EXOC2: variants seen among roughly 807,000 people sequenced by gnomAD.
EXOC2 encodes the protein exocyst complex component 2, also known as SEC5-like 1.
Under a neutral mutation model 131.8 loss-of-function variants are expected in EXOC2, and 70 were observed. That is an observed-to-expected ratio of 0.53 (90% CI 0.44 to 0.65). EXOC2 has a LOEUF of 0.65. Ranked by LOEUF, EXOC2 falls within the 30% of genes least tolerant of loss-of-function variation. The pLI is 0.00. For synonymous variants in EXOC2, 411 were observed against 398.4 expected (o/e 1.03, Z -0.38); for missense variants, 923 against 1,108.6 (o/e 0.83, Z 2.38).
chr6:633,391 C>G (rs1410312228), intron 2 of EXOC2, among the ~76,000 whole-genome samples: 1 of 152,132 alleles, frequency 6.6e-6, no homozygotes, highest in East Asian at 1.9e-4. Context: ...TGCAGGAATT[C>G]CAGATTACTT....
chr6:525,933 T>C (rs1306805439), intron 23 of EXOC2, among the ~76,000 whole-genome samples: 1 of 152,210 alleles, frequency 6.6e-6, no homozygotes, highest in African/African-American at 2.4e-5. Context: ...AAAGAAAGTA[T>C]AATATTTGTT....
chr6:544,735 A>T (rs972637812), intron 22 of EXOC2, among the ~76,000 whole-genome samples: 1 of 152,240 alleles, frequency 6.6e-6, no homozygotes, highest in East Asian at 1.9e-4. Flanking sequence ...AGTTAAAGCA[A>T]CGCAAAACTC....
At chr6:567,103 A>T (rs961363455) in intron 13 of EXOC2, among the ~76,000 whole-genome samples, 1 of 152,080 alleles carries the variant, frequency 6.6e-6, no homozygotes, top group Non-Finnish European at 1.5e-5. Flanking sequence ...ATTTGTCCCC[A>T]CCAATTGATT....
At position 501,599 on chromosome 6, in the gene EXOC2, ATATATATTATATATC is replaced by A. The variant is rs201630474; in HGVS notation, c.2381-1914_2381-1900del. ...CTATATATAATATCTATATTATATTATATATATTATATATCTATATATTATATATCTATATATATC... is the reference window on the plus strand; with the variant it reads ...CTATATATAATATCTATATTATATTATATATATTATATATCTATATATATC... On this transcript the variant is annotated intron_variant, in intron 23 of 27. Coordinates refer to ENST00000230449, the MANE Select transcript of EXOC2 (RefSeq NM_018303.6). Among the ~76,000 whole-genome samples the A allele has an allele frequency of 3.3e-4, 7 of 21,224 alleles. 1 individual carries two copies. Among genetic ancestry groups the A allele is most frequent in the Non-Finnish European group, 7.8e-4 (5 of 6,384 alleles). The allele number at this position is 21,224 out of a possible 152,430, so 13.9% of individuals were successfully genotyped here.
intron 23 of EXOC2, among the ~76,000 whole-genome samples, chr6:503,692 A>T (rs114125859): frequency 0.029 from 4,355 of 152,326 alleles, 77 homozygotes; most frequent in Middle Eastern, 0.065. Flanking sequence ...AGTACTGGAT[A>T]GGAACAGAGG....
intron 1 of EXOC2, among the ~76,000 whole-genome samples, chr6:651,048 A>C (rs1334747856): frequency 1.7e-5 from 2 of 116,192 alleles, no homozygotes; most frequent in African/African-American, 6.7e-5. Context: ...TTTTTTTTTG[A>C]GGCAGAATCT....
intron 11 of EXOC2, among the ~76,000 whole-genome samples, chr6:588,047 C>T (rs1375203478): frequency 2.0e-5 from 3 of 152,148 alleles, no homozygotes; most frequent in African/African-American, 2.4e-5. Context: ...CTGAAGTCAG[C>T]GTGAGTACAT....
intron 1 of EXOC2, among the ~76,000 whole-genome samples, chr6:654,139 A>G (rs78693335): frequency 0.12 from 18,108 of 152,244 alleles, 1,422 homozygotes; most frequent in African/African-American, 0.2. Context: ...AGTTCTGGTG[A>G]AGATACAAAA....
At chr6:551,531 CG>C (rs1185291358) in intron 21 of EXOC2, among the ~76,000 whole-genome samples, 3 of 152,126 alleles carry the variant, frequency 2.0e-5, no homozygotes, top group African/African-American at 7.2e-5. Flanking sequence ...AGAGCTGCCG[CG>C]TCACAGGGAG....
At position 599,405 on chromosome 6, in the gene EXOC2, A is replaced by T. The variant is rs551477438; in HGVS notation, c.743-180T>A. On this transcript the variant is annotated intron_variant, in intron 7 of 27. Transcript: ENST00000230449. ...TAAAATAAAATTTCCATTTTGCCTAAGTCTTTTCATATGTTAAGAATGGTA... is the reference window on the plus strand; with the variant it reads ...TAAAATAAAATTTCCATTTTGCCTATGTCTTTTCATATGTTAAGAATGGTA... Among the ~76,000 whole-genome samples, 12 of 152,310 alleles carry T rather than the reference A, an allele frequency of 7.9e-5. No homozygotes were observed. The East Asian group carries it at 1.3e-3, about 17-fold the overall frequency.
At chr6:677,989 G>A (rs1562005879) in intron 1 of EXOC2, among the ~76,000 whole-genome samples, 1 of 150,810 alleles carries the variant, frequency 6.6e-6, no homozygotes, top group Non-Finnish European at 1.5e-5. Context: ...ACTCACATAT[G>A]AAAAGGGTCC....
In EXOC2 at chr6:556,478, A is replaced by G; in HGVS notation, c.1932+6T>C. 1.2e-6 allele frequency: 2 copies of G among 1,613,788 alleles called. No individual in the cohort carries two copies. The highest frequency in any genetic ancestry group is 1.7e-6 in the Non-Finnish European group (2 of 1,179,834). ...ACTGGAGTCCAAGCGGAGCTGGAAT[A>G]CTTACACTGGCCTCTCCCGGCTTGC... is the stretch of plus-strand genomic sequence containing the variant. On this transcript the variant is annotated splice_donor_region_variant and intron_variant, in intron 18 of 27. Transcript: ENST00000230449.
At chr6:610,781 A>G (rs193270713) in intron 6 of EXOC2, among the ~76,000 whole-genome samples, 203 of 152,298 alleles carry the variant, frequency 1.3e-3, no homozygotes, top group Non-Finnish European at 2.6e-3. Context: ...TGCTCCTTTT[A>G]GTTTCTAATT....
rs140178521 is a variant in EXOC2 at position 559,953 on chromosome 6, G to A, written c.1851+2831C>T. Among the ~76,000 whole-genome samples the A allele has an allele frequency of 8.6e-4, 131 of 152,260 alleles. 1 individual carries two copies. Among genetic ancestry groups the A allele is most frequent in the Middle Eastern group, 3.4e-3 (1 of 294 alleles). ...ATTTGCACATAACTGACTTGAGGCAGGTATGTCTAACCTGCCTGCACCTGC... is the reference window on the plus strand; with the variant it reads ...ATTTGCACATAACTGACTTGAGGCAAGTATGTCTAACCTGCCTGCACCTGC... On this transcript the variant is annotated intron_variant, in intron 17 of 27. Coordinates refer to ENST00000230449, the MANE Select transcript of EXOC2 (RefSeq NM_018303.6).
intron 23 of EXOC2, among the ~76,000 whole-genome samples, chr6:511,804 A>G (rs1764864753): frequency 6.6e-6 from 1 of 152,222 alleles, no homozygotes. Flanking sequence ...TCTCATTCAA[A>G]TACTGAATTC....
At chr6:504,744 C>T (rs1196580163) in intron 23 of EXOC2, among the ~76,000 whole-genome samples, 1 of 152,262 alleles carries the variant, frequency 6.6e-6, no homozygotes, top group South Asian at 2.1e-4. Context: ...GAAAATGCCA[C>T]GTGTGTGCAA....
chr6:626,182 C>A (rs1281222630), intron 4 of EXOC2, among the ~76,000 whole-genome samples: 1 of 152,120 alleles, frequency 6.6e-6, no homozygotes, highest in African/African-American at 2.4e-5. Context: ...GTTATTTTTT[C>A]TGAGCAATTA....
intron 13 of EXOC2, among the ~76,000 whole-genome samples, chr6:566,391 A>G (rs1053976586): frequency 2.6e-5 from 4 of 152,364 alleles, no homozygotes; most frequent in African/African-American, 9.6e-5. Flanking sequence ...ACACTGAGAC[A>G]GCAGCAGGTG....
At chr6:502,915 T>C (rs1764311998) in intron 23 of EXOC2, among the ~76,000 whole-genome samples, 1 of 152,178 alleles carries the variant, frequency 6.6e-6, no homozygotes, top group Non-Finnish European at 1.5e-5. Context: ...TGTGGTCCTG[T>C]GTGGACAGGA....
Sources: gnomAD v4.1 joint callset for allele counts (sites outside exome capture counted in the v4.1 genomes callset) on GRCh38, gnomAD v4.1.1 for gene constraint, MANE v1.5 for transcripts, NCBI Gene and HGNC (gene_info 2026-07-23, HGNC 2026-07-21) for gene names.